The following PCDHGA11 variants were observed in gnomAD, a reference collection of about 807,000 sequenced individuals.
PCDHGA11 encodes the protein protocadherin gamma-A11.
PCDHGA11 carries 39 observed loss-of-function variants against 60.4 expected under a neutral mutation model. The ratio of observed to expected loss-of-function variants is 0.65; its 90% CI spans 0.50 to 0.84. PCDHGA11 has a LOEUF of 0.84. Among genes scored for constraint, PCDHGA11 ranks in the 40% least tolerant of loss-of-function variants. The pLI, the probability that PCDHGA11 is intolerant of heterozygous loss-of-function variation, is 0.00. For synonymous variants in PCDHGA11, 533 were observed against 510.3 expected, an observed-to-expected ratio of 1.04 and a Z score of -0.60; for missense variants, 1,165 against 1,197.7, an observed-to-expected ratio of 0.97 and a Z score of 0.40.
chr5:141,462,240 A>G (rs375419703), intron 1 of PCDHGA11, among the ~76,000 whole-genome samples: 2 of 152,216 alleles, frequency 1.3e-5, no homozygotes, highest in South Asian at 4.1e-4. Context: ...GATTACAGGT[A>G]TGAGCCACCA....
chr5:141,422,287 A>G lies in PCDHGA11; in HGVS notation c.1060A>G (p.Ile354Val). ...TCCAGAAATAACTATCACCTCTTCT[A>G]TTAATTCAATTCTGGAAAACTCTCC... ...NAPEITITSS[I>V]NSILENSPPG... The change falls in exon 1 of 4, where the codon ATT becomes GTT. Residue 354 changes from isoleucine to valine, a missense_variant. Coordinates refer to ENST00000398587, the MANE Select transcript of PCDHGA11 (RefSeq NM_018914.3). 3 of 1,553,500 alleles carry G rather than the reference A, an allele frequency of 1.9e-6. No individual in the cohort carries two copies. The highest frequency in any genetic ancestry group is 1.3e-5 in the South Asian group (1 of 78,642).
chr5:141,498,616 G>T (rs1202866176), intron 2 of PCDHGA11, among the ~76,000 whole-genome samples: 1 of 152,138 alleles, frequency 6.6e-6, no homozygotes, highest in East Asian at 1.9e-4. Flanking sequence ...AGTCAGCACT[G>T]GGTCACACTG....
At chr5:141,429,037 G>A (rs1404164429) in intron 1 of PCDHGA11, 1 of 152,054 alleles carries the variant, frequency 6.6e-6, no homozygotes, top group African/African-American at 2.4e-5. Flanking sequence ...TGCATTTTTA[G>A]TACAGACGGG....
At chr5:141,437,426 C>G (rs531265278) in intron 1 of PCDHGA11, among the ~76,000 whole-genome samples, 2 of 152,150 alleles carry the variant, frequency 1.3e-5, no homozygotes, top group Non-Finnish European at 2.9e-5. Context: ...CTTTTTGAAG[C>G]AGCAATAGCA....
intron 1 of PCDHGA11, chr5:141,441,973 C>T (rs1457832429): frequency 6.7e-6 from 2 of 296,542 alleles, no homozygotes; most frequent in Admixed American, 4.4e-5. Context: ...GCTCTTCAGC[C>T]TGGAATGCGC....
At chr5:141,428,163 C>T (rs759273230) in intron 1 of PCDHGA11, 77 of 1,564,636 alleles carry the variant, frequency 4.9e-5, no homozygotes, top group Non-Finnish European at 6.3e-5. Flanking sequence ...CTGCTGGTTG[C>T]TGTGCGTGAC....
chr5:141,477,854 C>T lies in PCDHGA11; in HGVS notation c.2434-16953C>T. Reference sequence around the variant, plus strand: ...GCCAGGTGGGAGCTCGGTGGAGATGCTGCCTCGAGGTACCTCAGCTGGCCA... The same window carrying T: ...GCCAGGTGGGAGCTCGGTGGAGATGTTGCCTCGAGGTACCTCAGCTGGCCA... On this transcript the variant is annotated intron_variant, in intron 1 of 3. Transcript: ENST00000398587. This position sits in a 1 kb window ranked among gnomAD's most constrained non-coding sequence, Gnocchi z 4.9. 1.9e-6 allele frequency: 3 copies of T among 1,614,098 alleles called. No individual in the cohort carries two copies. The South Asian group carries it at 3.3e-5, about 18-fold the overall frequency.
At chr5:141,427,156 T>G (rs533425641) in intron 1 of PCDHGA11, 10 of 456,890 alleles carry the variant, frequency 2.2e-5, no homozygotes, top group African/African-American at 2.0e-4. Flanking sequence ...AATATGTTTG[T>G]GCTAGACCAT....
rs746311453 is a variant in PCDHGA11 at position 141,428,229 on chromosome 5, C to T, written c.2433+4569C>T. On this transcript the variant is annotated intron_variant, in intron 1 of 3. Coordinates refer to ENST00000398587, the MANE Select transcript of PCDHGA11 (RefSeq NM_018914.3). ...CGCTTCACCTAGTCTTCGCAGACAGCCTGCAGGAGGCACTGCCAGACTTCA... is the reference window on the plus strand; with the variant it reads ...CGCTTCACCTAGTCTTCGCAGACAGTCTGCAGGAGGCACTGCCAGACTTCA... 3 of 1,098,554 alleles carry T rather than the reference C, an allele frequency of 2.7e-6. No homozygotes were observed. In the South Asian group the frequency reaches 3.9e-5, roughly 14 times the overall value. The allele number at this position is 1,098,554 out of a possible 1,614,324, so 68.1% of individuals were successfully genotyped here.
chr5:141,501,335 C>CA (rs2099808433), intron 2 of PCDHGA11, among the ~76,000 whole-genome samples: 1 of 135,634 alleles, frequency 7.4e-6, no homozygotes, highest in Non-Finnish European at 1.6e-5. Context: ...ACACACACAC[C>CA]CCAAACTCAA....
chr5:141,484,994 G>A (rs1257915410), intron 1 of PCDHGA11: 4 of 610,330 alleles, frequency 6.6e-6, no homozygotes, highest in Non-Finnish European at 1.2e-5. Context: ...GGTGGTGAAA[G>A]GCAGACAAAT....
At chr5:141,478,785 A>C in intron 1 of PCDHGA11, 1 of 1,482,486 alleles carries the variant, frequency 6.7e-7, no homozygotes, top group Non-Finnish European at 9.0e-7. Flanking sequence ...GACCTAATTC[A>C]CATCCTCAGC....
intron 1 of PCDHGA11, among the ~76,000 whole-genome samples, chr5:141,473,775 T>A (rs1219791398): frequency 6.6e-6 from 1 of 152,190 alleles, no homozygotes; most frequent in African/African-American, 2.4e-5. Flanking sequence ...ATTTGGTATT[T>A]TAATTCAAGA....
chr5:141,487,695 C>T lies in PCDHGA11; in HGVS notation c.2434-7112C>T, dbSNP rs1345224043. The stretch of plus-strand genomic sequence containing the variant: ...TGGCTAGGCCATGTCCTAGAGAGTA[C>T]TGGCCTCTCAGTAAGTGCCCATAGT... On this transcript the variant is annotated intron_variant, in intron 1 of 3. Coordinates refer to ENST00000398587, the MANE Select transcript of PCDHGA11 (RefSeq NM_018914.3). The surrounding 1 kb of genome is among the most constrained non-coding windows in gnomAD (Gnocchi z 5.0). 2 of 1,601,306 alleles carry T rather than the reference C, an allele frequency of 1.2e-6. No individual in the cohort carries two copies. Among genetic ancestry groups the T allele is most frequent in the East Asian group, 2.2e-5 (1 of 44,606 alleles).
At chr5:141,430,774 A>G (rs1269572813) in intron 1 of PCDHGA11, 11 of 1,508,872 alleles carry the variant, frequency 7.3e-6, no homozygotes, top group Non-Finnish European at 8.8e-7. Context: ...TTCCTGCGCG[A>G]CTGCACCGGG....
At position 141,486,315 on chromosome 5, in the gene PCDHGA11, C is replaced by T. The variant is rs1432435944; in HGVS notation, c.2434-8492C>T. The T allele has an allele frequency of 6.2e-7, 1 of 1,614,066 alleles. No individual in the cohort carries two copies. Among genetic ancestry groups the T allele is most frequent in the East Asian group, 2.2e-5 (1 of 44,862 alleles). ...AGTGTGCAGGATCCAGACTCAGGGT[C>T]AAACGGAGATGTGAGCCTCCGCATT... On this transcript the variant is annotated intron_variant, in intron 1 of 3. Transcript: ENST00000398587. The surrounding 1 kb of genome is among the most constrained non-coding windows in gnomAD (Gnocchi z 5.0).
chr5:141,455,364 G>C (rs2098820282), intron 1 of PCDHGA11, among the ~76,000 whole-genome samples: 1 of 152,252 alleles, frequency 6.6e-6, no homozygotes, highest in South Asian at 2.1e-4. Flanking sequence ...TAGGCAAGAA[G>C]GAAGGGAGAA....
At position 141,490,289 on chromosome 5, in the gene PCDHGA11, T is replaced by C; in HGVS notation, c.2434-4518T>C. ...GATGTCAATGACAATGCCCCAGAGG[T>C]GCTATTGGCCTCTTTGGCCAACCCT... On this transcript the variant is annotated intron_variant, in intron 1 of 3. Transcript: ENST00000398587. This position sits in a 1 kb window ranked among gnomAD's most constrained non-coding sequence, Gnocchi z 5.4. The C allele has an allele frequency of 1.2e-6, 2 of 1,614,096 alleles. No homozygotes were observed. The highest frequency in any genetic ancestry group is 1.7e-6 in the Non-Finnish European group (2 of 1,180,016).
Position 141,491,401 on chromosome 5 carries a change from G to T in PCDHGA11, c.2434-3406G>T, listed in dbSNP as rs1442005704. ...GTCAGCGAAGTGCCTTCAGGGAAAC[G>T]CAGACGGGGACGGGGGTGGAGGGCA... On this transcript the variant is annotated intron_variant, in intron 1 of 3. Coordinates refer to ENST00000398587, the MANE Select transcript of PCDHGA11 (RefSeq NM_018914.3). The surrounding 1 kb of genome is among the most constrained non-coding windows in gnomAD (Gnocchi z 6.9). 1.2e-6 allele frequency: 2 copies of T among 1,614,102 alleles called. No homozygotes were observed. Among genetic ancestry groups the T allele is most frequent in the Non-Finnish European group, 1.7e-6 (2 of 1,179,990 alleles).
Sources: allele counts gnomAD v4.1 joint callset (sites outside exome capture counted in the v4.1 genomes callset), GRCh38; gene constraint gnomAD v4.1.1; non-coding constraint Gnocchi (gnomAD v3.1); transcripts MANE v1.5; gene names NCBI Gene and HGNC (gene_info 2026-07-23, HGNC 2026-07-21).